The following FBLN7 variants were observed in gnomAD, a reference collection of about 807,000 sequenced individuals.
FBLN7 encodes the protein fibulin 7, also known as fibulin-7.
FBLN7 carries 31 observed loss-of-function variants against 44.0 expected under a neutral mutation model. The ratio of observed to expected loss-of-function variants is 0.70; its 90% CI spans 0.53 to 0.95. The LOEUF (loss-of-function observed/expected upper bound fraction) is 0.95. Among genes scored for constraint, FBLN7 ranks in the 40% least tolerant of loss-of-function variants. The pLI is 0.00. For synonymous variants in FBLN7, 262 were observed against 253.4 expected, an observed-to-expected ratio of 1.03 and a Z score of -0.32; for missense variants, 573 against 618.5, an observed-to-expected ratio of 0.93 and a Z score of 0.78.
the FBLN7 span, chr2:112,231,886 C>T: frequency 6.3e-7 from 1 of 1,592,676 alleles, no homozygotes; most frequent in Non-Finnish European, 8.6e-7. Context: ...CATGAGAAAA[C>T]TTGCAGTATT....
At chr2:112,153,838 CTG>C (rs1342449112) in intron 1 of FBLN7, among the ~76,000 whole-genome samples, 2 of 152,218 alleles carry the variant, frequency 1.3e-5, no homozygotes, top group Non-Finnish European at 2.9e-5. Flanking sequence ...GGAGTAAACA[CTG>C]TGCGAGAAGG....
chr2:112,236,945 C>T, the FBLN7 span, among the ~76,000 whole-genome samples: 4 of 152,192 alleles, frequency 2.6e-5, no homozygotes, highest in Non-Finnish European at 5.9e-5. Context: ...AGTCCAGCTA[C>T]TCTGGGACTA....
the FBLN7 span, among the ~76,000 whole-genome samples, chr2:112,206,907 A>G: frequency 1.3e-5 from 2 of 151,524 alleles, no homozygotes; most frequent in Non-Finnish European, 2.9e-5. Flanking sequence ...AGATTAAAAA[A>G]AGAATTGTAA....
At chr2:112,140,950 C>A (rs926711744) in intron 1 of FBLN7, among the ~76,000 whole-genome samples, 1 of 152,244 alleles carries the variant, frequency 6.6e-6, no homozygotes, top group Non-Finnish European at 1.5e-5. Flanking sequence ...TAATACTTGA[C>A]CAGATTCGCT....
At chr2:112,154,699 C>T (rs1009420305) in intron 1 of FBLN7, among the ~76,000 whole-genome samples, 1 of 152,164 alleles carries the variant, frequency 6.6e-6, no homozygotes, top group Non-Finnish European at 1.5e-5. Context: ...CACCCTTGGC[C>T]TGACCTCAGC....
chr2:112,159,740 A>G lies in FBLN7; in HGVS notation c.140A>G (p.Gln47Arg), dbSNP rs1328883368. ...CAGCTGCAGCAGCTGCTGAAGGGCC[A>G]GGAGACACGCTTCGCCGAGGGCATC... ...IRQLQQLLKGQETRFAEGIRH... is the reference protein window; with the variant it reads ...IRQLQQLLKGRETRFAEGIRH... The change falls in exon 2 of 8, where the codon CAG (glutamine) becomes CGG (arginine). Residue 47 changes from glutamine to arginine, a missense_variant. Transcript: ENST00000331203. The G allele has an allele frequency of 6.9e-6, 11 of 1,602,466 alleles. No homozygotes were observed. The highest frequency in any genetic ancestry group is 9.4e-6 in the Non-Finnish European group (11 of 1,174,716).
chr2:112,153,382 G>A (rs956675410), intron 1 of FBLN7: 15 of 152,204 alleles, frequency 9.9e-5, no homozygotes, highest in Non-Finnish European at 1.8e-4. Context: ...GCCCCTCCAA[G>A]TCTAGGGGTC....
chr2:112,164,758 A>C (rs1682053830), intron 2 of FBLN7, among the ~76,000 whole-genome samples: 1 of 152,216 alleles, frequency 6.6e-6, no homozygotes. Flanking sequence ...CCTTGCACAC[A>C]GCACTTAGTG....
Position 112,160,059 on chromosome 2 carries a change from C to A in FBLN7, c.235+224C>A, listed in dbSNP as rs1234170897. On this transcript the variant is annotated intron_variant, in intron 2 of 7. Transcript: ENST00000331203. Reference sequence around the variant, plus strand: ...AGGCTGGAGTGCAGTGGCGCGATCTCGGCTCACTGCAAGCTCCGCCTCCCG... The same window carrying A: ...AGGCTGGAGTGCAGTGGCGCGATCTAGGCTCACTGCAAGCTCCGCCTCCCG... Among the ~76,000 whole-genome samples, 3 of 152,084 alleles carry A rather than the reference C, an allele frequency of 2.0e-5. No individual in the cohort carries two copies. The East Asian group carries it at 5.8e-4, about 29-fold the overall frequency.
downstream of FBLN7, chr2:112,190,134 G>C (rs970979160): frequency 2.6e-5 from 4 of 152,108 alleles, no homozygotes; most frequent in African/African-American, 9.7e-5. Flanking sequence ...GTGCATCTCT[G>C]TCTTCTCTAT....
intron 2 of FBLN7, among the ~76,000 whole-genome samples, chr2:112,162,478 C>G (rs1017221146): frequency 6.6e-6 from 1 of 152,118 alleles, no homozygotes; most frequent in Non-Finnish European, 1.5e-5. Flanking sequence ...TCATCCAGAG[C>G]AGCCTCAGCG....
In FBLN7 at chr2:112,175,704, A is replaced by G; in HGVS notation, c.407-10A>G. 6.2e-7 allele frequency: 1 copy of G among 1,613,668 alleles called. No individual in the cohort carries two copies. Among genetic ancestry groups the G allele is most frequent in the African/African-American group, 1.3e-5 (1 of 75,012 alleles). On this transcript the variant is annotated splice_polypyrimidine_tract_variant and intron_variant, in intron 3 of 7. Transcript: ENST00000331203. The stretch of plus-strand genomic sequence containing the variant: ...ACATCCGTATATTTGAAAATTATTT[A>G]TCTTCCTAGGTATCAGTGAATGCTC...
chr2:112,177,524 G>T (rs576722717), intron 4 of FBLN7: 1 of 152,198 alleles, frequency 6.6e-6, no homozygotes, highest in African/African-American at 2.4e-5. Context: ...TATTTTTTAT[G>T]ATGATAAAAC....
the FBLN7 span, among the ~76,000 whole-genome samples, chr2:112,238,860 A>G: frequency 6.6e-4 from 100 of 152,370 alleles, 1 homozygote; most frequent in East Asian, 0.018. Context: ...TTGATATGAG[A>G]GGATTACAGT....
intron 1 of FBLN7, among the ~76,000 whole-genome samples, chr2:112,140,333 A>G (rs1052490195): frequency 6.6e-6 from 1 of 150,734 alleles, no homozygotes; most frequent in African/African-American, 2.5e-5. Flanking sequence ...TCTCCAGGCC[A>G]GCATCCCTCC....
intron 2 of FBLN7, among the ~76,000 whole-genome samples, chr2:112,161,683 T>A (rs748249691): frequency 3.3e-5 from 5 of 151,632 alleles, no homozygotes; most frequent in Non-Finnish European, 7.3e-5. Flanking sequence ...CCTGCCCATG[T>A]GAGAGGGCCC....
At position 112,182,882 on chromosome 2, in the gene FBLN7, C is replaced by T; in HGVS notation, c.762C>T (p.Thr254=). ...CVNTPGSYRC[T]CPGGYRTLAD... is the part of the protein sequence containing the mutation. The stretch of plus-strand genomic sequence containing the variant: ...ACACCCCGGGCTCTTACCGTTGCAC[C>T]TGCCCCGGTGGATACCGAACTCTGG... The change falls in exon 6 of 8, where the codon ACC becomes ACT. Residue 254 remains threonine (T), a synonymous_variant. Coordinates refer to ENST00000331203, the MANE Select transcript of FBLN7 (RefSeq NM_153214.3). 1 of 1,613,112 alleles carries T rather than the reference C, an allele frequency of 6.2e-7. No homozygotes were observed. The highest frequency in any genetic ancestry group is 8.5e-7 in the Non-Finnish European group (1 of 1,179,878).
the FBLN7 span, among the ~76,000 whole-genome samples, chr2:112,208,569 T>C: frequency 2.6e-5 from 4 of 152,184 alleles, no homozygotes; most frequent in Admixed American, 6.5e-5. Flanking sequence ...ACTTCTTCCT[T>C]CTTGTTTTAC....
At chr2:112,159,635 C>A in intron 1 of FBLN7, 41 bp from the exon 2 acceptor site, 1 of 1,464,360 alleles carries the variant, frequency 6.8e-7, no homozygotes, top group South Asian at 1.4e-5. Context: ...GGGACTGAGT[C>A]AGTCTCAATG....
Sources: allele counts gnomAD v4.1 joint callset (sites outside exome capture counted in the v4.1 genomes callset), GRCh38; gene constraint gnomAD v4.1.1; transcripts MANE v1.5; gene names NCBI Gene and HGNC (gene_info 2026-07-23, HGNC 2026-07-21).